APBB1IP: variants seen among roughly 807,000 people sequenced by gnomAD.
The protein encoded by APBB1IP is amyloid beta precursor protein binding family B member 1 interacting protein.
In APBB1IP, 27 loss-of-function variants were observed where a neutral mutation model predicts 64.9. That is an observed-to-expected ratio of 0.42 (90% CI 0.31 to 0.57). APBB1IP has a LOEUF of 0.57. Ranked by LOEUF, APBB1IP falls within the 20% of genes least tolerant of loss-of-function variation. APBB1IP has a pLI of 0.20. For synonymous variants in APBB1IP, 392 were observed against 331.0 expected, an observed-to-expected ratio of 1.18 and a Z score of -2.00; for missense variants, 812 against 845.5, an observed-to-expected ratio of 0.96 and a Z score of 0.49.
At chr10:26,453,331 A>T (rs568765353) in intron 2 of APBB1IP, among the ~76,000 whole-genome samples, 1 of 152,244 alleles carries the variant, frequency 6.6e-6, no homozygotes, top group South Asian at 2.1e-4. Context: ...TGAGAAGAAG[A>T]TGGAGATGAA....
At chr10:26,465,179 G>A (rs1431403792) in intron 2 of APBB1IP, among the ~76,000 whole-genome samples, 2 of 152,148 alleles carry the variant, frequency 1.3e-5, no homozygotes, top group Non-Finnish European at 2.9e-5. Flanking sequence ...TTCCATATAT[G>A]AAAAAACTAC....
intron 2 of APBB1IP, among the ~76,000 whole-genome samples, chr10:26,475,130 T>C (rs1393322933): frequency 2.6e-5 from 4 of 151,296 alleles, no homozygotes; most frequent in African/African-American, 4.8e-5. Context: ...TTTTCTTTTT[T>C]TTTTTTTTTT....
intron 11 of APBB1IP, among the ~76,000 whole-genome samples, chr10:26,545,246 A>C (rs1396265236): frequency 2.0e-5 from 3 of 152,216 alleles, no homozygotes; most frequent in Non-Finnish European, 4.4e-5. Flanking sequence ...AACTCTTGCT[A>C]TTCTTTATTA....
chr10:26,557,893 GAGGTCAGTGATTTAAGATGGAA>G (rs1208546867), intron 11 of APBB1IP, among the ~76,000 whole-genome samples: 2 of 152,142 alleles, frequency 1.3e-5, no homozygotes, highest in Admixed American at 1.3e-4. Flanking sequence ...CATTTCCTTG[GAGGTCAGTGATTTAAGATGGAA>G]AGCGAAAGAG....
At chr10:26,509,168 G>A (rs1251373050) in intron 6 of APBB1IP, among the ~76,000 whole-genome samples, 1 of 152,110 alleles carries the variant, frequency 6.6e-6, no homozygotes, top group Non-Finnish European at 1.5e-5. Flanking sequence ...TCATTTCTAA[G>A]GTCAGATGAA....
chr10:26,511,983 T>C (rs950265458), intron 7 of APBB1IP, 77 bp downstream of exon 7: 2 of 1,452,316 alleles, frequency 1.4e-6, no homozygotes, highest in Non-Finnish European at 1.9e-6. Context: ...GGGTTTATTC[T>C]TTTTTTCTCT....
At chr10:26,531,539 C>A (rs534703681) in intron 8 of APBB1IP, among the ~76,000 whole-genome samples, 1 of 151,674 alleles carries the variant, frequency 6.6e-6, no homozygotes, top group Non-Finnish European at 1.5e-5. Context: ...CGATGGCGGG[C>A]GCCTGTAGTC....
chr10:26,539,563 G>T (rs1026399831), intron 10 of APBB1IP, among the ~76,000 whole-genome samples: 3 of 152,052 alleles, frequency 2.0e-5, no homozygotes, highest in South Asian at 2.1e-4. Flanking sequence ...CTGGAGAAAG[G>T]TTTCCTAAGC....
intron 2 of APBB1IP, among the ~76,000 whole-genome samples, chr10:26,453,869 TATACCCA>T (rs1835492298): frequency 1.3e-5 from 2 of 152,234 alleles, no homozygotes; most frequent in African/African-American, 4.8e-5. Flanking sequence ...CTGCTGGGTG[TATACCCA>T]AAAGGAAGGA....
intron 2 of APBB1IP, among the ~76,000 whole-genome samples, chr10:26,469,066 G>A (rs1835682768): frequency 6.6e-6 from 1 of 151,086 alleles, no homozygotes; most frequent in South Asian, 2.1e-4. Context: ...CTTCCGTTAG[G>A]GTCTCAAAAG....
At chr10:26,451,206 C>T (rs1232925311) in intron 2 of APBB1IP, among the ~76,000 whole-genome samples, 1 of 152,064 alleles carries the variant, frequency 6.6e-6, no homozygotes, top group African/African-American at 2.4e-5. Context: ...ACATGGAAGA[C>T]ATTAAGGAAA....
intron 10 of APBB1IP, among the ~76,000 whole-genome samples, chr10:26,540,614 G>A (rs1043196017): frequency 6.6e-6 from 1 of 152,166 alleles, no homozygotes; most frequent in Non-Finnish European, 1.5e-5. Context: ...ACAAGCATAT[G>A]TAAAGAAATA....
chr10:26,513,590 C>T lies in APBB1IP; in HGVS notation c.743C>T (p.Thr248Ile), dbSNP rs773993669. The part of the protein sequence containing the change: ...ENVVEVLSDW[T>I]RDTENKILFL... ...GTTGTTGAAGTCTTATCAGACTGGACAAGAGACACAGAAAATAAAATACTA... is the reference window on the plus strand; with the variant it reads ...GTTGTTGAAGTCTTATCAGACTGGATAAGAGACACAGAAAATAAAATACTA... Residue 248 changes from threonine to isoleucine, a missense_variant, in exon 8 of 15, where the codon ACA becomes ATA. Transcript: ENST00000376236. The T allele has an allele frequency of 1.2e-6, 2 of 1,612,586 alleles. No individual in the cohort carries two copies. Among genetic ancestry groups the T allele is most frequent in the South Asian group, 2.2e-5 (2 of 90,580 alleles).
intron 3 of APBB1IP, 67 bp from the exon 4 acceptor site, chr10:26,496,237 T>C: frequency 8.3e-7 from 1 of 1,211,500 alleles, no homozygotes; most frequent in East Asian, 2.4e-5. Flanking sequence ...TTTGACTTGC[T>C]GAGTAAAGTG....
rs762052919 is a variant in APBB1IP at position 26,562,425 on chromosome 10, C to G, written c.1469C>G (p.Ser490Trp). 3.7e-6 allele frequency: 6 copies of G among 1,613,128 alleles called. No individual in the cohort carries two copies. Among genetic ancestry groups the G allele is most frequent in the Non-Finnish European group, 4.2e-6 (5 of 1,179,434 alleles). ...LQEAQRHAET[S>W]KDKKPALGNH... The stretch of plus-strand genomic sequence containing the variant: ...GAGGCCCAGAGACATGCTGAAACAT[C>G]GAAGGTAAAACCAGCAAGCAGCTGA... Residue 490 changes from serine (S) to tryptophan (W), a missense_variant, in exon 14 of 15, where the codon TCG becomes TGG. Ser to Trp is a radical substitution (Grantham distance 177). Around this residue, in one of 3 missense-constraint regions of APBB1IP, gnomAD observed 381 missense variants for 352.1 expected, o/e 1.08. Coordinates refer to ENST00000376236, the MANE Select transcript of APBB1IP (RefSeq NM_019043.4).
chr10:26,548,266 C>T (rs1363965767), intron 11 of APBB1IP, among the ~76,000 whole-genome samples: 8 of 151,978 alleles, frequency 5.3e-5, no homozygotes, highest in Non-Finnish European at 1.2e-4. Flanking sequence ...ATACATGTGC[C>T]ATGTTGGTGT....
At chr10:26,526,399 A>T (rs1252899719) in intron 8 of APBB1IP, among the ~76,000 whole-genome samples, 2 of 152,156 alleles carry the variant, frequency 1.3e-5, no homozygotes, top group African/African-American at 4.8e-5. Context: ...CTTTTTATTT[A>T]TTCTAATAAC....
chr10:26,500,800 A>G lies in APBB1IP; in HGVS notation c.161-19A>G, dbSNP rs1464774742. ...ATGCAAATAGGTTTTTATACCATTA[A>G]TGTGATTTTCCCTACTAGAGTCCTT... On this transcript the variant is annotated intron_variant, in intron 4 of 14. Transcript: ENST00000376236. 5 of 1,594,152 alleles carry G rather than the reference A, an allele frequency of 3.1e-6. No individual in the cohort carries two copies. Among genetic ancestry groups the G allele is most frequent in the African/African-American group, 1.4e-5 (1 of 74,026 alleles).
intron 2 of APBB1IP, among the ~76,000 whole-genome samples, chr10:26,484,479 A>G (rs886115396): frequency 2.0e-5 from 3 of 151,964 alleles, no homozygotes; most frequent in Admixed American, 1.3e-4. Context: ...CTTTTTTGGT[A>G]TTTTTAGTAG....
Sources: gnomAD v4.1 joint callset for allele counts (sites outside exome capture counted in the v4.1 genomes callset) on GRCh38, gnomAD v4.1.1 for gene constraint, gnomAD v4.1.1 regional missense constraint, MANE v1.5 for transcripts, NCBI Gene and HGNC (gene_info 2026-07-23, HGNC 2026-07-21) for gene names.